The following RANBP2 variants were observed in gnomAD, a reference collection of about 807,000 sequenced individuals.
RANBP2 encodes RAN binding protein 2, also known as E3 SUMO-protein ligase RanBP2.
In RANBP2, 57 loss-of-function variants were observed where a neutral mutation model predicts 303.6. The observed-to-expected ratio is 0.19, with a 90% CI of 0.15 to 0.23. The LOEUF (loss-of-function observed/expected upper bound fraction) is 0.23, where lower values mean the gene tolerates loss of function less well. Ranked by LOEUF, RANBP2 falls within the 10% of genes least tolerant of loss-of-function variation. The pLI is 1.00. For synonymous variants in RANBP2, 1,167 were observed against 1,301.5 expected (o/e 0.90, Z 2.23); for missense variants, 3,138 against 3,780.8 (o/e 0.83, Z 4.46).
the RANBP2 span, among the ~76,000 whole-genome samples, chr2:109,039,570 C>T: frequency 3.9e-5 from 6 of 152,210 alleles, no homozygotes; most frequent in African/African-American, 1.2e-4. Context: ...AGGATGGTCT[C>T]GATCTCTTGA....
chr2:109,652,438 G>A, the RANBP2 span, among the ~76,000 whole-genome samples: 1 of 152,144 alleles, frequency 6.6e-6, no homozygotes, highest in Non-Finnish European at 1.5e-5. Context: ...TGTTAGCCAG[G>A]ATGGTCTTGA....
chr2:108,836,234 T>C, the RANBP2 span, among the ~76,000 whole-genome samples: 1 of 152,228 alleles, frequency 6.6e-6, no homozygotes, highest in Non-Finnish European at 1.5e-5. Context: ...ATTAGATTTC[T>C]CATATGGATG....
the RANBP2 span, among the ~76,000 whole-genome samples, chr2:109,682,561 C>T: frequency 3.3e-5 from 5 of 152,072 alleles, no homozygotes; most frequent in African/African-American, 1.2e-4. Flanking sequence ...GACACTTTTT[C>T]CCTACCTACA....
the RANBP2 span, among the ~76,000 whole-genome samples, chr2:109,547,041 A>G: frequency 3.9e-5 from 6 of 152,304 alleles, 1 homozygote; most frequent in African/African-American, 1.4e-4. Flanking sequence ...GTACAAAGAA[A>G]AAAGGTATCC....
At chr2:108,746,162 C>A (rs1467976112) in intron 7 of RANBP2, among the ~76,000 whole-genome samples, 8 of 151,292 alleles carry the variant, frequency 5.3e-5, no homozygotes, top group Non-Finnish European at 1.0e-4. Context: ...CCCACCTTGG[C>A]CTTCCAAAGT....
chr2:109,382,311 T>C, the RANBP2 span, among the ~76,000 whole-genome samples: 1 of 152,160 alleles, frequency 6.6e-6, no homozygotes, highest in East Asian at 1.9e-4. Flanking sequence ...ACACAAGTCA[T>C]TGGGAAAGCT....
chr2:109,677,723 A>C, the RANBP2 span, among the ~76,000 whole-genome samples: 22 of 152,286 alleles, frequency 1.4e-4, no homozygotes, highest in African/African-American at 4.8e-4. Context: ...GCCCTCGTGA[A>C]CCAAATTGTC....
the RANBP2 span, among the ~76,000 whole-genome samples, chr2:109,497,263 A>G: frequency 6.6e-6 from 1 of 152,214 alleles, no homozygotes; most frequent in South Asian, 2.1e-4. Flanking sequence ...CTCTGTTACC[A>G]GCACATTCCA....
the RANBP2 span, among the ~76,000 whole-genome samples, chr2:109,426,963 A>AAT: frequency 2.3e-4 from 26 of 113,524 alleles, no homozygotes; most frequent in African/African-American, 4.7e-4. Flanking sequence ...AGGGCAATAA[A>AAT]ATATATATAT....
chr2:108,942,693 C>A, the RANBP2 span, among the ~76,000 whole-genome samples: 1 of 152,262 alleles, frequency 6.6e-6, no homozygotes, highest in African/African-American at 2.4e-5. Context: ...CAGCGCGTTC[C>A]TGTTCCCGCC....
chr2:109,130,913 A>G, the RANBP2 span, among the ~76,000 whole-genome samples: 8 of 152,332 alleles, frequency 5.3e-5, no homozygotes, highest in African/African-American at 1.9e-4. Context: ...CCTTGTGAAC[A>G]GTTACCAGGA....
chr2:109,426,023 C>T, the RANBP2 span, among the ~76,000 whole-genome samples: 140 of 152,198 alleles, frequency 9.2e-4, no homozygotes, highest in Middle Eastern at 3.4e-3. Context: ...TCAGCCTTCC[C>T]GGTAGCTGGG....
chr2:109,209,475 A>G, the RANBP2 span, among the ~76,000 whole-genome samples: 1 of 152,168 alleles, frequency 6.6e-6, no homozygotes, highest in African/African-American at 2.4e-5. Context: ...GAGAGCTGCA[A>G]ACACTCCTGA....
chr2:109,644,132 C>A, the RANBP2 span, among the ~76,000 whole-genome samples: 1 of 49,408 alleles, frequency 2.0e-5, no homozygotes, highest in South Asian at 6.4e-4. Context: ...AAAAAAAAAA[C>A]AAAAAAACAA....
chr2:109,219,303 G>A, the RANBP2 span, among the ~76,000 whole-genome samples: 13 of 127,298 alleles, frequency 1.0e-4, no homozygotes, highest in African/African-American at 4.1e-4. Context: ...AACATTTTGT[G>A]TAATTACATA....
the RANBP2 span, among the ~76,000 whole-genome samples, chr2:109,463,832 C>T: frequency 1.1e-4 from 16 of 152,282 alleles, 1 homozygote; most frequent in South Asian, 3.3e-3. Context: ...AGTGGAGGCC[C>T]CTTTCTCCCT....
chr2:109,506,510 G>A, the RANBP2 span, among the ~76,000 whole-genome samples: 2 of 152,266 alleles, frequency 1.3e-5, no homozygotes, highest in African/African-American at 4.8e-5. Context: ...CTGGGGCCTT[G>A]CAGAGGGTGG....
At chr2:108,939,589 GGGA>G in the RANBP2 span, among the ~76,000 whole-genome samples, 102,733 of 151,760 alleles carry the variant, frequency 0.68, 37,409 homozygotes, top group Non-Finnish European at 0.82. Context: ...GGTGAGGGCT[GGGA>G]GGAGGAGAAC....
chr2:108,926,305 C>A, the RANBP2 span, among the ~76,000 whole-genome samples: 2 of 152,154 alleles, frequency 1.3e-5, no homozygotes, highest in Non-Finnish European at 2.9e-5. Flanking sequence ...CCCTAGCCCC[C>A]CAACCCCTGT....
Sources: allele counts gnomAD v4.1 joint callset (sites outside exome capture counted in the v4.1 genomes callset), GRCh38; gene constraint gnomAD v4.1.1; transcripts MANE v1.5; gene names NCBI Gene and HGNC (gene_info 2026-07-23, HGNC 2026-07-21).